Variants in DOCK4 observed in about 807,000 individuals in gnomAD.
DOCK4 encodes dedicator of cytokinesis protein 4.
DOCK4 carries 97 observed loss-of-function variants against 268.1 expected under a neutral mutation model. The observed-to-expected ratio is 0.36, with a 90% CI of 0.31 to 0.43. The LOEUF (loss-of-function observed/expected upper bound fraction) is 0.43. DOCK4 is among the 20% of genes least tolerant of loss of function. The pLI is 1.00. For synonymous variants in DOCK4, 954 were observed against 887.2 expected (o/e 1.08, Z -1.34); for missense variants, 2,145 against 2,455.7 (o/e 0.87, Z 2.67).
Position 111,728,533 on chromosome 7 carries a change from G to A in DOCK4, c.5669C>T (p.Pro1890Leu), listed in dbSNP as rs374365937. Reference protein sequence around the residue: ...EQSAPLPVPVPVPVPSYGGEE... With the variant: ...EQSAPLPVPVLVPVPSYGGEE... Reference sequence around the variant, plus strand: ...CCCGCCGTAGCTCGGCACGGGCACCGGCACTGGCACCGGCAGGGGGGCCGA... The same window carrying A: ...CCCGCCGTAGCTCGGCACGGGCACCAGCACTGGCACCGGCAGGGGGGCCGA... The change falls in exon 53 of 53, where the codon CCG becomes CTG. Residue 1890 changes from proline to leucine, a missense_variant. Pro to Leu is a moderately conservative substitution (Grantham distance 98). This residue lies in a region of DOCK4 where 547 missense variants were observed against 469.0 expected (regional missense o/e 1.17). Transcript: ENST00000428084. 18 of 1,613,588 alleles carry A rather than the reference G, an allele frequency of 1.1e-5. No homozygotes were observed. Among genetic ancestry groups the A allele is most frequent in the Admixed American group, 1.7e-5 (1 of 60,004 alleles).
intron 13 of DOCK4, among the ~76,000 whole-genome samples, chr7:111,913,669 A>C (rs1262466968): frequency 6.7e-6 from 1 of 149,974 alleles, no homozygotes; most frequent in Non-Finnish European, 1.5e-5. Flanking sequence ...TCGGCCTCCC[A>C]AAGTGCTGGG....
At chr7:111,918,744 G>A (rs548260984) in intron 12 of DOCK4, among the ~76,000 whole-genome samples, 1 of 152,268 alleles carries the variant, frequency 6.6e-6, no homozygotes, top group South Asian at 2.1e-4. Context: ...TGGAATACTA[G>A]TGTTTGCCAG....
chr7:111,902,881 T>G (rs904462763), intron 13 of DOCK4, among the ~76,000 whole-genome samples: 2 of 152,162 alleles, frequency 1.3e-5, no homozygotes, highest in Admixed American at 6.5e-5. Context: ...ACCATTCTCC[T>G]GCCTCAGCCT....
rs917614714 is a variant in DOCK4 at position 111,731,565 on chromosome 7, T to C, written c.5481+661A>G. On this transcript the variant is annotated intron_variant, in intron 52 of 52. Coordinates refer to ENST00000428084, the MANE Select transcript of DOCK4 (RefSeq NM_001363540.2). ...TTGGATAAGACTAAATATTATTCTT[T>C]ATCTTCATGAGGGATTTTTTATGTT... Among the ~76,000 whole-genome samples, 201 of 152,336 alleles carry C rather than the reference T, an allele frequency of 1.3e-3. 1 individual carries two copies. The highest frequency in any genetic ancestry group is 2.6e-3 in the Non-Finnish European group (174 of 68,034).
At chr7:112,005,644 A>G (rs1220486298) in intron 1 of DOCK4, among the ~76,000 whole-genome samples, 1 of 152,186 alleles carries the variant, frequency 6.6e-6, no homozygotes, top group Admixed American at 6.5e-5. Flanking sequence ...CTGCAATTTA[A>G]AAGACTTCAA....
intron 13 of DOCK4, among the ~76,000 whole-genome samples, chr7:111,911,104 G>A (rs2134489221): frequency 6.6e-6 from 1 of 152,234 alleles, no homozygotes; most frequent in African/African-American, 2.4e-5. Context: ...GCATAAACTG[G>A]GTCCTGTTGG....
intron 1 of DOCK4, among the ~76,000 whole-genome samples, chr7:112,195,312 A>G (rs1820325590): frequency 6.6e-6 from 1 of 152,212 alleles, no homozygotes; most frequent in South Asian, 2.1e-4. Context: ...AAACTGGAGA[A>G]GGGGCAAACC....
intron 14 of DOCK4, among the ~76,000 whole-genome samples, chr7:111,901,332 CA>C (rs398047987): frequency 0.2 from 15,141 of 75,724 alleles, 332 homozygotes; most frequent in Middle Eastern, 0.26. Context: ...GATTCTGTCT[CA>C]AAAAAAAAAA....
chr7:112,137,579 T>C (rs1482764514), intron 1 of DOCK4, among the ~76,000 whole-genome samples: 1 of 152,210 alleles, frequency 6.6e-6, no homozygotes, highest in African/African-American at 2.4e-5. Flanking sequence ...GGCAGCAATT[T>C]TTCTGAAAGG....
At chr7:112,178,157 C>T (rs1434753071) in intron 1 of DOCK4, among the ~76,000 whole-genome samples, 1 of 152,252 alleles carries the variant, frequency 6.6e-6, no homozygotes, top group Non-Finnish European at 1.5e-5. Context: ...ATCACAGTTA[C>T]AGGTGAAATG....
chr7:111,774,135 C>T (rs1033615183), intron 36 of DOCK4, among the ~76,000 whole-genome samples: 3 of 152,044 alleles, frequency 2.0e-5, no homozygotes, highest in Non-Finnish European at 4.4e-5. Context: ...ATATAATATG[C>T]AATTATTAAT....
intron 50 of DOCK4, 26 bp downstream of exon 50, chr7:111,736,891 A>G (rs1357369407): frequency 4.4e-6 from 7 of 1,581,188 alleles, no homozygotes; most frequent in Non-Finnish European, 6.0e-6. Context: ...TACACATTCC[A>G]GGACTGACCA....
At chr7:112,054,102 A>G (rs577906299) in intron 1 of DOCK4, among the ~76,000 whole-genome samples, 1 of 152,270 alleles carries the variant, frequency 6.6e-6, no homozygotes, top group African/African-American at 2.4e-5. Flanking sequence ...CGAGAGGATC[A>G]CTTCAACCCA....
chr7:112,156,838 T>A (rs553427925), intron 1 of DOCK4, among the ~76,000 whole-genome samples: 13 of 152,310 alleles, frequency 8.5e-5, no homozygotes, highest in Non-Finnish European at 1.5e-4. Flanking sequence ...TAACCTTTCA[T>A]ATTAGAATAT....
chr7:111,854,560 T>G (rs1282955496), intron 23 of DOCK4, among the ~76,000 whole-genome samples: 6 of 152,188 alleles, frequency 3.9e-5, no homozygotes, highest in Non-Finnish European at 5.9e-5. Context: ...TCTTGCTACA[T>G]TAGTAGAGAC....
intron 44 of DOCK4, among the ~76,000 whole-genome samples, chr7:111,743,982 G>A (rs1231282733): frequency 6.6e-6 from 1 of 152,118 alleles, no homozygotes; most frequent in Admixed American, 6.6e-5. Flanking sequence ...ACCACACCCA[G>A]CTAGTTTTTA....
intron 23 of DOCK4, 111 bp from the exon 24 acceptor site, chr7:111,847,237 G>A (rs1804179014): frequency 7.5e-7 from 1 of 1,334,806 alleles, no homozygotes; most frequent in African/African-American, 1.5e-5. Context: ...ATTAACACAT[G>A]TAGTTACAAA....
At chr7:111,881,674 C>T (rs1807404438) in intron 16 of DOCK4, among the ~76,000 whole-genome samples, 1 of 152,154 alleles carries the variant, frequency 6.6e-6, no homozygotes, top group South Asian at 2.1e-4. Flanking sequence ...TGGAAGCAAC[C>T]TAAGTGTCCA....
At chr7:111,916,981 T>G (rs1046558024) in intron 12 of DOCK4, among the ~76,000 whole-genome samples, 2 of 46,670 alleles carry the variant, frequency 4.3e-5, no homozygotes, top group African/African-American at 2.6e-4. Flanking sequence ...TTCCCCCATG[T>G]TTTTTTTTTT....
Sources: allele counts gnomAD v4.1 joint callset (sites outside exome capture counted in the v4.1 genomes callset), GRCh38; gene constraint gnomAD v4.1.1; regional missense constraint gnomAD v4.1.1; transcripts MANE v1.5; gene names NCBI Gene and HGNC (gene_info 2026-07-23, HGNC 2026-07-21).